The following FAM117B variants were observed in gnomAD, a reference collection of about 807,000 sequenced individuals.
FAM117B encodes the protein family with sequence similarity 117 member B, also known as protein FAM117B.
A neutral mutation model predicts 52.8 loss-of-function variants in FAM117B; 22 were observed. The observed-to-expected ratio is 0.42, with a 90% CI of 0.30 to 0.59. FAM117B has a LOEUF of 0.59. Among genes scored for constraint, FAM117B ranks in the 20% least tolerant of loss-of-function variants. The pLI is 0.22. For synonymous variants in FAM117B, 309 were observed against 324.1 expected (o/e 0.95, Z 0.50); for missense variants, 678 against 802.6 (o/e 0.84, Z 1.88).
At chr2:202,685,750 C>T (rs1425340961) in intron 1 of FAM117B, among the ~76,000 whole-genome samples, 4 of 152,092 alleles carry the variant, frequency 2.6e-5, no homozygotes, top group Admixed American at 2.6e-4. Context: ...GGGGGATAAT[C>T]CCTTTCCTTA....
chr2:202,713,580 G>T (rs772819237), intron 2 of FAM117B, among the ~76,000 whole-genome samples: 4 of 151,820 alleles, frequency 2.6e-5, no homozygotes, highest in African/African-American at 9.7e-5. Context: ...CTCCTTTCTG[G>T]TTCTTTAAGA....
chr2:202,688,800 G>C (rs1439739607), intron 1 of FAM117B, among the ~76,000 whole-genome samples: 1 of 152,112 alleles, frequency 6.6e-6, no homozygotes, highest in East Asian at 1.9e-4. Context: ...CAATTTGGCA[G>C]TACTTCCAAT....
At chr2:202,741,416 C>CAAAAAAAAAA (rs1156278814) in intron 4 of FAM117B, among the ~76,000 whole-genome samples, 2 of 34,934 alleles carry the variant, frequency 5.7e-5, no homozygotes, top group African/African-American at 1.3e-4. Context: ...GACTCTGTCT[C>CAAAAAAAAAA]AAAAAAAAAA....
chr2:202,718,249 C>T (rs374817327), intron 2 of FAM117B, among the ~76,000 whole-genome samples: 15 of 152,294 alleles, frequency 9.8e-5, no homozygotes, highest in African/African-American at 3.4e-4. Flanking sequence ...AATCGAGAAC[C>T]CCAACAGTCT....
intron 2 of FAM117B, among the ~76,000 whole-genome samples, chr2:202,711,856 T>G (rs574063518): frequency 6.6e-6 from 1 of 152,162 alleles, no homozygotes; most frequent in Non-Finnish European, 1.5e-5. Context: ...TCACTGTAGA[T>G]GTATGGATTT....
At chr2:202,691,698 T>TGTGTGTGTGTGTGCGC (rs1476079292) in intron 1 of FAM117B, among the ~76,000 whole-genome samples, 1 of 131,088 alleles carries the variant, frequency 7.6e-6, no homozygotes, top group African/African-American at 3.1e-5. Context: ...TGTGTGTGTG[T>TGTGTGTGTGTGTGCGC]GCGCGCGCGC....
intron 1 of FAM117B, among the ~76,000 whole-genome samples, chr2:202,676,815 T>C (rs1476808997): frequency 1.3e-5 from 2 of 152,118 alleles, no homozygotes; most frequent in African/African-American, 4.8e-5. Context: ...CCTTAGGAGG[T>C]TGAAAGAATT....
At chr2:202,756,246 G>A (rs995921236) in intron 5 of FAM117B, among the ~76,000 whole-genome samples, 1 of 151,976 alleles carries the variant, frequency 6.6e-6, no homozygotes, top group Non-Finnish European at 1.5e-5. Flanking sequence ...GTGAAACCCC[G>A]TCTCTACTAA....
At chr2:202,707,351 A>G (rs1690887394) in intron 2 of FAM117B, among the ~76,000 whole-genome samples, 1 of 150,276 alleles carries the variant, frequency 6.7e-6, no homozygotes, top group South Asian at 2.2e-4. Context: ...GGCCTGGCCC[A>G]TTAAATAGGC....
chr2:202,767,352 G>GT lies in FAM117B; in HGVS notation c.*1591dup, dbSNP rs1559119349. On this transcript the variant is annotated 3_prime_UTR_variant, in exon 8 of 8. Transcript: ENST00000392238. The stretch of plus-strand genomic sequence containing the variant: ...ATTTTGTATTTTTAGTATATATGGG[G>GT]TTTCACCATGTTGGTCAGGCTGTTC... The GT allele has an allele frequency of 6.6e-6, 1 of 152,004 alleles. No individual in the cohort carries two copies. Among genetic ancestry groups the GT allele is most frequent in the Non-Finnish European group, 1.5e-5 (1 of 68,022 alleles). The allele number at this position is 152,004 out of a possible 1,614,324, so 9.4% of individuals were successfully genotyped here. A position where few individuals can be genotyped will look rare whatever the true frequency, so the allele number is the denominator to read the frequency against.
intron 1 of FAM117B, among the ~76,000 whole-genome samples, chr2:202,671,775 T>G (rs1431922362): frequency 2.0e-5 from 3 of 152,238 alleles, no homozygotes; most frequent in Non-Finnish European, 4.4e-5. Context: ...TTCACTTTAT[T>G]TGCTTTGCAT....
chr2:202,740,066 C>T (rs990871961), intron 4 of FAM117B, among the ~76,000 whole-genome samples: 12 of 142,396 alleles, frequency 8.4e-5, no homozygotes, highest in South Asian at 4.6e-4. Flanking sequence ...CCAGCTACTT[C>T]GGAGGCTGAG....
intron 1 of FAM117B, among the ~76,000 whole-genome samples, chr2:202,675,750 C>T (rs1690369276): frequency 6.6e-6 from 1 of 151,872 alleles, no homozygotes; most frequent in Non-Finnish European, 1.5e-5. Context: ...TCTGGGAGGC[C>T]GAGGTGGGCA....
intron 2 of FAM117B, among the ~76,000 whole-genome samples, chr2:202,717,976 G>A (rs1433003202): frequency 6.6e-6 from 1 of 152,114 alleles, no homozygotes; most frequent in Non-Finnish European, 1.5e-5. Context: ...TCTGCCTGGT[G>A]AGCTGGCACT....
At chr2:202,676,613 C>T (rs1014702355) in intron 1 of FAM117B, among the ~76,000 whole-genome samples, 1 of 151,914 alleles carries the variant, frequency 6.6e-6, no homozygotes, top group Non-Finnish European at 1.5e-5. Context: ...CTCCTGACCT[C>T]GTGATCTGCC....
intron 1 of FAM117B, among the ~76,000 whole-genome samples, chr2:202,659,564 G>A (rs760644837): frequency 7.0e-6 from 1 of 143,418 alleles, no homozygotes; most frequent in Non-Finnish European, 1.5e-5. Flanking sequence ...ACCCCCCTTG[G>A]TCTCCCATAG....
chr2:202,669,987 A>G (rs569098827), intron 1 of FAM117B, among the ~76,000 whole-genome samples: 4 of 152,270 alleles, frequency 2.6e-5, no homozygotes, highest in African/African-American at 9.6e-5. Context: ...TTAATCTTTC[A>G]TTTGGGTCTG....
chr2:202,665,898 G>T (rs892806587), intron 1 of FAM117B, among the ~76,000 whole-genome samples: 1 of 152,202 alleles, frequency 6.6e-6, no homozygotes, highest in Non-Finnish European at 1.5e-5. Flanking sequence ...ATGGAAACTG[G>T]CAGGACAGGA....
chr2:202,761,460 G>A, intron 7 of FAM117B, among the ~76,000 whole-genome samples: 1 of 152,186 alleles, frequency 6.6e-6, no homozygotes, highest in Non-Finnish European at 1.5e-5. Flanking sequence ...GTGTGTGTCT[G>A]TAGATAGATC....
Sources: allele counts gnomAD v4.1 joint callset (sites outside exome capture counted in the v4.1 genomes callset), GRCh38; gene constraint gnomAD v4.1.1; transcripts MANE v1.5; gene names NCBI Gene and HGNC (gene_info 2026-07-23, HGNC 2026-07-21).